WWOX: variants seen among roughly 807,000 people sequenced by gnomAD.
The protein encoded by WWOX is WW domain-containing oxidoreductase.
In WWOX, 69 loss-of-function variants were observed where a neutral mutation model predicts 46.2. That is an observed-to-expected ratio of 1.49 (90% CI 1.23 to 1.82). The LOEUF (loss-of-function observed/expected upper bound fraction) is 1.82, where lower values mean the gene tolerates loss of function less well. Among genes scored for constraint, WWOX ranks in the 40% most tolerant of loss-of-function variants. The probability of loss-of-function intolerance (pLI) is 0.00; values close to 1 mark genes in which losing one functional copy is unlikely to be tolerated. For missense variants in WWOX, 919 were observed against 542.6 expected, an observed-to-expected ratio of 1.69 and a Z score of -6.89; for synonymous variants, 359 against 202.6, an observed-to-expected ratio of 1.77 and a Z score of -6.56.
intron 8 of WWOX, among the ~76,000 whole-genome samples, chr16:78,852,784 G>C (rs966550060): frequency 1.3e-5 from 2 of 152,198 alleles, no homozygotes; most frequent in African/African-American, 4.8e-5. Context: ...AAATGTAGGA[G>C]TTCCTCAATG....
intron 8 of WWOX, among the ~76,000 whole-genome samples, chr16:79,174,457 T>A (rs1036467388): frequency 2.0e-5 from 3 of 152,166 alleles, no homozygotes; most frequent in Admixed American, 1.3e-4. Context: ...GAGATTAGCT[T>A]GACCAACATA....
chr16:78,683,881 T>G (rs1266502609), intron 8 of WWOX, among the ~76,000 whole-genome samples: 2 of 152,172 alleles, frequency 1.3e-5, no homozygotes, highest in Admixed American at 1.3e-4. Context: ...GTTTTACTTG[T>G]GCCACCTCTT....
At chr16:78,972,983 A>G (rs1567450353) in intron 8 of WWOX, among the ~76,000 whole-genome samples, 1 of 152,170 alleles carries the variant, frequency 6.6e-6, no homozygotes, top group Admixed American at 6.5e-5. Context: ...ATTGATTCAT[A>G]AGATCCCTTC....
intron 5 of WWOX, among the ~76,000 whole-genome samples, chr16:78,206,778 G>C (rs189146444): frequency 2.0e-5 from 3 of 152,218 alleles, no homozygotes; most frequent in East Asian, 3.9e-4. Flanking sequence ...ACATATTTTA[G>C]ATTAGTCAGA....
At chr16:78,970,167 C>T (rs966795352) in intron 8 of WWOX, among the ~76,000 whole-genome samples, 3 of 152,146 alleles carry the variant, frequency 2.0e-5, no homozygotes, top group African/African-American at 4.8e-5. Context: ...TCACCTCTAC[C>T]CCACACATCC....
At chr16:78,461,074 T>C (rs2083935906) in intron 8 of WWOX, among the ~76,000 whole-genome samples, 1 of 152,200 alleles carries the variant, frequency 6.6e-6, no homozygotes, top group South Asian at 2.1e-4. Flanking sequence ...TATTACTGTG[T>C]TGCTTTGGAA....
intron 8 of WWOX, among the ~76,000 whole-genome samples, chr16:78,642,390 G>A (rs554621131): frequency 2.4e-4 from 36 of 152,060 alleles, no homozygotes; most frequent in Non-Finnish European, 5.0e-4. Flanking sequence ...TTCCTTTTTT[G>A]CTCAAAGTCT....
At chr16:78,996,437 G>A (rs1219843352) in intron 8 of WWOX, 1 of 714,014 alleles carries the variant, frequency 1.4e-6, no homozygotes, top group African/African-American at 2.1e-5. Flanking sequence ...AAAGAATGGA[G>A]GCATATTCAA....
chr16:79,162,005 A>G (rs1373995529), intron 8 of WWOX, among the ~76,000 whole-genome samples: 4 of 152,194 alleles, frequency 2.6e-5, no homozygotes, highest in Non-Finnish European at 5.9e-5. Flanking sequence ...CAGGACCAGA[A>G]CCAGGACACC....
intron 8 of WWOX, among the ~76,000 whole-genome samples, chr16:79,197,406 G>A (rs1471980308): frequency 6.6e-6 from 1 of 152,142 alleles, no homozygotes; most frequent in Admixed American, 6.5e-5. Context: ...AATTGCTTGT[G>A]GTGAGAGTAT....
chr16:78,551,656 C>G (rs1029874156), intron 8 of WWOX: 1 of 148,096 alleles, frequency 6.8e-6, no homozygotes, highest in Non-Finnish European at 1.5e-5. Flanking sequence ...CCCCGCCCCA[C>G]CTGCCCCCGC....
At chr16:78,934,546 C>G (rs1333319802) in intron 8 of WWOX, among the ~76,000 whole-genome samples, 2 of 148,626 alleles carry the variant, frequency 1.3e-5, no homozygotes, top group Non-Finnish European at 1.5e-5. Flanking sequence ...CACAACTTAC[C>G]AAACCAAGAA....
chr16:78,475,544 T>A (rs942155399), intron 8 of WWOX, among the ~76,000 whole-genome samples: 1 of 152,208 alleles, frequency 6.6e-6, no homozygotes, highest in Non-Finnish European at 1.5e-5. Flanking sequence ...ACTAGAGCCA[T>A]GACTTTCATC....
intron 8 of WWOX, among the ~76,000 whole-genome samples, chr16:79,130,728 A>G (rs1302947045): frequency 6.6e-6 from 1 of 152,212 alleles, no homozygotes; most frequent in Non-Finnish European, 1.5e-5. Flanking sequence ...GTCCTTCCAG[A>G]TTTGACTTGT....
At chr16:78,937,028 A>G (rs7190041) in intron 8 of WWOX, among the ~76,000 whole-genome samples, 2,973 of 152,302 alleles carry the variant, frequency 0.02, 96 homozygotes, top group African/African-American at 0.067. Flanking sequence ...AATATGTACT[A>G]AACCTGGTCC....
intron 8 of WWOX, among the ~76,000 whole-genome samples, chr16:78,592,652 C>T (rs986681809): frequency 6.6e-6 from 1 of 152,172 alleles, no homozygotes; most frequent in Non-Finnish European, 1.5e-5. Context: ...AGGCCTGGAT[C>T]AGAGCCTAGG....
intron 8 of WWOX, among the ~76,000 whole-genome samples, chr16:78,775,515 G>C (rs2050167321): frequency 6.6e-6 from 1 of 152,136 alleles, no homozygotes; most frequent in African/African-American, 2.4e-5. Context: ...CCCTCCGGGG[G>C]GTGGGGTATC....
intron 8 of WWOX, among the ~76,000 whole-genome samples, chr16:78,945,998 G>T (rs1029193841): frequency 1.3e-5 from 2 of 151,948 alleles, no homozygotes; most frequent in Non-Finnish European, 2.9e-5. Context: ...CAGGCTTGCC[G>T]GGCAACCCAA....
intron 8 of WWOX, among the ~76,000 whole-genome samples, chr16:78,549,500 T>G (rs150212306): frequency 2.1e-3 from 319 of 152,306 alleles, no homozygotes; most frequent in African/African-American, 7.4e-3. Flanking sequence ...GGATCGACCA[T>G]TAATCATGCT....
Sources: allele counts gnomAD v4.1 joint callset (sites outside exome capture counted in the v4.1 genomes callset), GRCh38; gene constraint gnomAD v4.1.1; transcripts MANE v1.5; gene names NCBI Gene and HGNC (gene_info 2026-07-23, HGNC 2026-07-21).